DYRK1B: variants seen among roughly 807,000 people sequenced by gnomAD.
The protein encoded by DYRK1B is dual specificity tyrosine phosphorylation regulated kinase 1B.
Under a neutral mutation model 57.1 loss-of-function variants are expected in DYRK1B, and 20 were observed. The observed-to-expected ratio is 0.35, with a 90% confidence interval of 0.25 to 0.51. The LOEUF is 0.51. DYRK1B is among the 20% of genes least tolerant of loss of function. The probability of loss-of-function intolerance (pLI) is 0.96; values close to 1 mark genes in which losing one functional copy is unlikely to be tolerated. For synonymous variants in DYRK1B, 409 were observed against 384.7 expected, an observed-to-expected ratio of 1.06 and a Z score of -0.74; for missense variants, 732 against 886.3, an observed-to-expected ratio of 0.83 and a Z score of 2.21.
chr19:39,830,272 C>T, intron 4 of DYRK1B, 103 bp downstream of exon 4: 1 of 1,462,426 alleles, frequency 6.8e-7, no homozygotes, highest in East Asian at 2.3e-5. Flanking sequence ...ACTAAGTGGG[C>T]TAGGGTGAGT....
chr19:39,827,609 G>C lies in DYRK1B; in HGVS notation c.855C>G (p.Leu285=). The C allele has an allele frequency of 6.2e-7, 1 of 1,614,082 alleles. No individual in the cohort carries two copies. Among genetic ancestry groups the C allele is most frequent in the Non-Finnish European group, 8.5e-7 (1 of 1,179,974 alleles). ...TGGCCAGGTCGTAGGGTGTGCCCAG[G>C]AGCACCTCAGGTGAGCGGTAGAAGC... ...QSRFYRSPEV[L]LGTPYDLAID... Residue 285 remains leucine, a synonymous_variant, in exon 7 of 11, where the codon CTC becomes CTG. Coordinates refer to ENST00000323039, the MANE Select transcript of DYRK1B (RefSeq NM_004714.3).
At chr19:39,830,827 C>T in intron 2 of DYRK1B, 44 bp from the exon 3 acceptor site, 1 of 1,568,294 alleles carries the variant, frequency 6.4e-7, no homozygotes, top group Non-Finnish European at 8.6e-7. Flanking sequence ...CGTGCCTTCA[C>T]CTCCGACCTC....
intron 1 of DYRK1B, chr19:39,833,762 C>A (rs940321024): frequency 4.6e-5 from 7 of 152,328 alleles, no homozygotes; most frequent in African/African-American, 1.7e-4. Flanking sequence ...AGAAGCGGCC[C>A]GCGGAGCTGA....
chr19:39,830,398 T>G lies in DYRK1B; in HGVS notation c.349A>C (p.Ile117Leu), dbSNP rs1277297748. ...ACCTGGCCAAAGGAGCCTTTGCCAA[T>G]GAGCGAGTCAATTTCGTAGCGCTCC... is the stretch of plus-strand genomic sequence containing the variant. ...WLERYEIDSL[I>L]GKGSFGQVVK... Residue 117 changes from isoleucine (I) to leucine (L), a missense_variant, in exon 4 of 11, where the codon ATT becomes CTT. Physicochemically the swap from Ile to Leu is conservative, Grantham distance 5. This residue lies in a region of DYRK1B where 510 missense variants were observed against 681.3 expected (regional missense o/e 0.75). Transcript: ENST00000323039. 6.2e-7 allele frequency: 1 copy of G among 1,614,122 alleles called. No individual in the cohort carries two copies. The highest frequency in any genetic ancestry group is 1.1e-5 in the South Asian group (1 of 91,080).
chr19:39,827,014 G>GGGGGGC, intron 8 of DYRK1B, 27 bp from the exon 9 acceptor site: 5 of 419,606 alleles, frequency 1.2e-5, no homozygotes, highest in South Asian at 2.1e-5. Context: ...GGGAGGGGGG[G>GGGGGGC]CAAGAGAGTG....
At chr19:39,832,125 A>G (rs1473467214) in intron 1 of DYRK1B, among the ~76,000 whole-genome samples, 157 bp from the exon 2 acceptor site, 1 of 113,494 alleles carries the variant, frequency 8.8e-6, no homozygotes, top group Admixed American at 8.3e-5. Flanking sequence ...GGGGCAGAGA[A>G]GTGGTAGCCA....
Position 39,825,640 on chromosome 19 carries a change from G to A in DYRK1B, c.*75C>T, listed in dbSNP as rs1025992761. ...AGCAGCAATTCCAGTCAAGGAGAGAGATGAGGATGGGAGCCCAGGGCCCCC... is the reference window on the plus strand; with the variant it reads ...AGCAGCAATTCCAGTCAAGGAGAGAAATGAGGATGGGAGCCCAGGGCCCCC... On this transcript the variant is annotated 3_prime_UTR_variant, in exon 11 of 11. Transcript: ENST00000323039. The A allele has an allele frequency of 4.9e-6, 7 of 1,437,160 alleles. No individual in the cohort carries two copies. Among genetic ancestry groups the A allele is most frequent in the Admixed American group, 2.0e-5 (1 of 50,276 alleles). 89.0% of individuals were successfully genotyped at this position (1,437,160 alleles called of 1,614,324 possible).
chr19:39,833,969 TCCTGCCCACCTC>T (rs1405062643), intron 1 of DYRK1B, 42 bp downstream of exon 1: 13 of 155,352 alleles, frequency 8.4e-5, no homozygotes, highest in Admixed American at 5.8e-4. Context: ...GCGGATCCCG[TCCTGCCCACCTC>T]CCTGCGACCG....
In DYRK1B at chr19:39,830,575, G is replaced by C; in HGVS notation, c.184-12C>G. The C allele has an allele frequency of 6.2e-7, 1 of 1,614,046 alleles. No individual in the cohort carries two copies. The highest frequency in any genetic ancestry group is 8.5e-7 in the Non-Finnish European group (1 of 1,179,988). ...TTCGCATAGTATACCTGCCCAGCCA[G>C]CCAGCCAGGAGATGGGGACTGGTGA... On this transcript the variant is annotated splice_polypyrimidine_tract_variant and intron_variant, in intron 3 of 10. Coordinates refer to ENST00000323039, the MANE Select transcript of DYRK1B (RefSeq NM_004714.3).
chr19:39,831,179 C>T (rs1372974626), intron 2 of DYRK1B, among the ~76,000 whole-genome samples: 1 of 152,150 alleles, frequency 6.6e-6, no homozygotes, highest in Non-Finnish European at 1.5e-5. Context: ...TTACCCTCAT[C>T]CCTTGGGCCT....
At chr19:39,830,277 G>A (rs537222318) in intron 4 of DYRK1B, 98 bp downstream of exon 4, 2 of 1,483,862 alleles carry the variant, frequency 1.3e-6, no homozygotes, top group East Asian at 2.3e-5. Flanking sequence ...GTGGGCTAGG[G>A]TGAGTGGCCC....
At chr19:39,830,275 G>A in intron 4 of DYRK1B, 100 bp downstream of exon 4, 8 of 1,473,118 alleles carry the variant, frequency 5.4e-6, no homozygotes, top group South Asian at 2.3e-5. Context: ...AAGTGGGCTA[G>A]GGTGAGTGGC....
chr19:39,825,563 C>A lies in DYRK1B; in HGVS notation c.*152G>T. On this transcript the variant is annotated 3_prime_UTR_variant, in exon 11 of 11. Coordinates refer to ENST00000323039, the MANE Select transcript of DYRK1B (RefSeq NM_004714.3). ...GGAGCGGCCAAAACCCTCTCCTTGACCCCCCTGCCCCAGGCCCCAATCAGT... is the reference window on the plus strand; with the variant it reads ...GGAGCGGCCAAAACCCTCTCCTTGAACCCCCTGCCCCAGGCCCCAATCAGT... The A allele has an allele frequency of 1.3e-6, 1 of 764,014 alleles. No homozygotes were observed. The allele number at this position is 764,014 out of a possible 1,614,324, so 47.3% of individuals were successfully genotyped here.
chr19:39,826,589 ACCCAGTAACCAGGTCC>A lies in DYRK1B; in HGVS notation c.1411+67_1411+82del, dbSNP rs1251173816. On this transcript the variant is annotated intron_variant, in intron 9 of 10. Transcript: ENST00000323039. This position sits in a 1 kb window ranked among gnomAD's most constrained non-coding sequence, Gnocchi z 6.3. ...ATCAGTTTCGGCGCTTTGTGTGAAG[ACCCAGTAACCAGGTCC>A]CCCAGGACAGGCCAAACCTGAGCAG... is the stretch of plus-strand genomic sequence containing the variant. 1 of 1,389,126 alleles carries A rather than the reference ACCCAGTAACCAGGTCC, an allele frequency of 7.2e-7. No homozygotes were observed. Among genetic ancestry groups the A allele is most frequent in the Non-Finnish European group, 9.5e-7 (1 of 1,052,352 alleles). 86.1% of individuals were successfully genotyped at this position (1,389,126 alleles called of 1,614,324 possible).
intron 1 of DYRK1B, among the ~76,000 whole-genome samples, 176 bp from the exon 2 acceptor site, chr19:39,832,144 G>T (rs1200067473): frequency 6.6e-6 from 1 of 151,792 alleles, no homozygotes; most frequent in Non-Finnish European, 1.5e-5. Context: ...CAGGTGGGGG[G>T]GGATGGCACA....
At chr19:39,829,744 C>CA (rs1568532701) in intron 5 of DYRK1B, 136 bp downstream of exon 5, 1 of 948,658 alleles carries the variant, frequency 1.1e-6, no homozygotes, top group Non-Finnish European at 1.5e-6. Flanking sequence ...TCACTGATGT[C>CA]AGAGAAGCAC....
chr19:39,829,509 G>C (rs1006887837), intron 5 of DYRK1B, among the ~76,000 whole-genome samples: 1 of 152,216 alleles, frequency 6.6e-6, no homozygotes, highest in Non-Finnish European at 1.5e-5. Flanking sequence ...TTACAGGCGT[G>C]AGCCACTGTG....
rs1302053863 is a variant in DYRK1B, at chr19:39,827,371, G to A, written c.1009C>T (p.Leu337=). 6 of 1,613,800 alleles carry A rather than the reference G, an allele frequency of 3.7e-6. No homozygotes were observed. The highest frequency in any genetic ancestry group is 1.7e-5 in the Admixed American group (1 of 60,008). The change falls in exon 8 of 11, where the codon CTG becomes TTG. Residue 337 remains leucine (L), a synonymous_variant. Transcript: ENST00000323039. ...EVLGIPPAAM[L]DQAPKARKYF... ...TTGCGAGCCTTGGGCGCCTGGTCCA[G>A]CATGGCGGCCGGTGGGATGCCCAGC...
chr19:39,828,228 C>T lies in DYRK1B; in HGVS notation c.807+69G>A. On this transcript the variant is annotated intron_variant, in intron 6 of 10. Coordinates refer to ENST00000323039, the MANE Select transcript of DYRK1B (RefSeq NM_004714.3). The surrounding 1 kb of genome is among the most constrained non-coding windows in gnomAD (Gnocchi z 4.3). Reference sequence around the variant, plus strand: ...ATCCCATCCCAGCCAAGCCCCGCCCCTAAGCCTCCCGTTGGCTCTGCCCCA... The same window carrying T: ...ATCCCATCCCAGCCAAGCCCCGCCCTTAAGCCTCCCGTTGGCTCTGCCCCA... 2.6e-6 allele frequency: 4 copies of T among 1,552,730 alleles called. No homozygotes were observed. The South Asian group carries it at 4.8e-5, about 19-fold the overall frequency.
Sources: allele counts gnomAD v4.1 joint callset (sites outside exome capture counted in the v4.1 genomes callset), GRCh38; gene constraint gnomAD v4.1.1; regional missense constraint gnomAD v4.1.1; non-coding constraint Gnocchi (gnomAD v3.1); transcripts MANE v1.5; gene names NCBI Gene and HGNC (gene_info 2026-07-23, HGNC 2026-07-21).